EPHA7: variants seen among roughly 807,000 people sequenced by gnomAD.
EPHA7 encodes the protein ephrin type-A receptor 7.
In EPHA7, 25 loss-of-function variants were observed where a neutral mutation model predicts 112.6. The ratio of observed to expected loss-of-function variants is 0.22; its 90% CI spans 0.16 to 0.31. EPHA7 has a LOEUF of 0.31. Ranked by LOEUF, EPHA7 falls within the 10% of genes least tolerant of loss-of-function variation. The pLI is 1.00. For synonymous variants in EPHA7, 437 were observed against 406.5 expected, an observed-to-expected ratio of 1.07 and a Z score of -0.90; for missense variants, 962 against 1,212.6, an observed-to-expected ratio of 0.79 and a Z score of 3.07.
At chr6:93,305,493 A>G (rs1299744140) in intron 5 of EPHA7, among the ~76,000 whole-genome samples, 3 of 151,912 alleles carry the variant, frequency 2.0e-5, no homozygotes, top group Non-Finnish European at 4.4e-5. Context: ...GGCAATTCCA[A>G]CCTAAAGAGC....
chr6:93,397,245 T>C (rs979838987), intron 3 of EPHA7, among the ~76,000 whole-genome samples: 7 of 151,936 alleles, frequency 4.6e-5, no homozygotes, highest in African/African-American at 1.4e-4. Flanking sequence ...TCAATTTTTA[T>C]TCTCTCAAGT....
Position 93,243,557 on chromosome 6 carries a change from C to A in EPHA7, c.2883-17G>T. The A allele has an allele frequency of 6.5e-7, 1 of 1,545,880 alleles. No individual in the cohort carries two copies. Among genetic ancestry groups the A allele is most frequent in the Non-Finnish European group, 8.9e-7 (1 of 1,118,268 alleles). ...ATCACATCCCTGAAAAAGACAAATG[C>A]ACTTTTTATTAGGTACCTTACAAAG... On this transcript the variant is annotated splice_polypyrimidine_tract_variant and intron_variant, in intron 16 of 16. Transcript: ENST00000369303.
chr6:93,339,206 C>A (rs1775023626), intron 5 of EPHA7, among the ~76,000 whole-genome samples: 1 of 151,512 alleles, frequency 6.6e-6, no homozygotes, highest in Non-Finnish European at 1.5e-5. Context: ...ATATCTAATA[C>A]AACTCATTAA....
At chr6:93,256,167 T>C in intron 12 of EPHA7, 130 bp from the exon 13 acceptor site, 3 of 685,700 alleles carry the variant, frequency 4.4e-6, no homozygotes, top group Middle Eastern at 8.1e-4. Context: ...TTATATAATA[T>C]GGATACCTGT....
chr6:93,264,307 TC>T (rs959525488), intron 8 of EPHA7, among the ~76,000 whole-genome samples: 2 of 151,426 alleles, frequency 1.3e-5, no homozygotes, highest in African/African-American at 4.8e-5. Context: ...AGTAAACATT[TC>T]CCCAGGTATA....
intron 5 of EPHA7, among the ~76,000 whole-genome samples, chr6:93,305,046 G>T (rs1773180860): frequency 6.6e-6 from 1 of 151,450 alleles, no homozygotes; most frequent in African/African-American, 2.4e-5. Context: ...TTTGTTGTCT[G>T]CCCCACCTCA....
chr6:93,301,316 A>G (rs1772966256), intron 5 of EPHA7, among the ~76,000 whole-genome samples: 1 of 152,298 alleles, frequency 6.6e-6, no homozygotes. Context: ...ATCAAATAAG[A>G]GTAATTGAGA....
intron 5 of EPHA7, among the ~76,000 whole-genome samples, chr6:93,282,941 C>T (rs1168624341): frequency 6.6e-6 from 1 of 152,194 alleles, no homozygotes; most frequent in African/African-American, 2.4e-5. Flanking sequence ...GCGCTGCCCC[C>T]TTCTCCACCG....
At chr6:93,340,740 T>C (rs1775097855) in intron 5 of EPHA7, among the ~76,000 whole-genome samples, 1 of 152,004 alleles carries the variant, frequency 6.6e-6, no homozygotes, top group East Asian at 1.9e-4. Flanking sequence ...AAGTTCCATG[T>C]GATTTTTACA....
At chr6:93,356,135 C>G (rs1775930743) in intron 5 of EPHA7, among the ~76,000 whole-genome samples, 1 of 152,064 alleles carries the variant, frequency 6.6e-6, no homozygotes, top group Non-Finnish European at 1.5e-5. Context: ...CCACTATTTT[C>G]ACTCCCCTCC....
At chr6:93,291,929 A>G (rs184614170) in intron 5 of EPHA7, among the ~76,000 whole-genome samples, 2 of 152,316 alleles carry the variant, frequency 1.3e-5, no homozygotes, top group East Asian at 3.9e-4. Flanking sequence ...ACACATCAAA[A>G]TATTCAAGGT....
chr6:93,350,317 G>C (rs1189220108), intron 5 of EPHA7, among the ~76,000 whole-genome samples: 1 of 151,922 alleles, frequency 6.6e-6, no homozygotes, highest in East Asian at 1.9e-4. Flanking sequence ...TCGTGTAATG[G>C]ATTATGGAGC....
intron 5 of EPHA7, among the ~76,000 whole-genome samples, chr6:93,307,337 G>A (rs894279083): frequency 6.6e-6 from 1 of 151,914 alleles, no homozygotes; most frequent in African/African-American, 2.4e-5. Flanking sequence ...AGATAAGAAA[G>A]CTTTGAATGT....
chr6:93,308,964 T>A (rs1773395269), intron 5 of EPHA7, among the ~76,000 whole-genome samples: 1 of 151,568 alleles, frequency 6.6e-6, no homozygotes, highest in Non-Finnish European at 1.5e-5. Context: ...TTTTTTTTTT[T>A]AAACTACAGA....
chr6:93,317,780 C>T (rs992517125), intron 5 of EPHA7, among the ~76,000 whole-genome samples: 24 of 152,116 alleles, frequency 1.6e-4, no homozygotes, highest in African/African-American at 5.6e-4. Context: ...TGTCTAGCAC[C>T]TACAATATGT....
chr6:93,319,967 A>G (rs1404099884), intron 5 of EPHA7, among the ~76,000 whole-genome samples: 2 of 152,064 alleles, frequency 1.3e-5, no homozygotes, highest in African/African-American at 4.8e-5. Flanking sequence ...AAAATATTCT[A>G]TGCTGAGGCT....
intron 9 of EPHA7, among the ~76,000 whole-genome samples, chr6:93,262,028 C>A (rs9342358): frequency 0.44 from 66,717 of 151,024 alleles, 15,632 homozygotes; most frequent in South Asian, 0.69. Context: ...AGAAAAGTGA[C>A]ATACTGATTA....
intron 5 of EPHA7, among the ~76,000 whole-genome samples, chr6:93,312,217 C>A (rs1413670570): frequency 1.3e-5 from 2 of 152,148 alleles, no homozygotes; most frequent in African/African-American, 2.4e-5. Flanking sequence ...ACATTGACTT[C>A]TCCTTTCCAG....
chr6:93,348,536 T>G (rs1440345036), intron 5 of EPHA7, among the ~76,000 whole-genome samples: 1 of 151,878 alleles, frequency 6.6e-6, no homozygotes, highest in Non-Finnish European at 1.5e-5. Flanking sequence ...TATTTGTACC[T>G]TTAATATTTT....
Sources: gnomAD v4.1 joint callset for allele counts (sites outside exome capture counted in the v4.1 genomes callset) on GRCh38, gnomAD v4.1.1 for gene constraint, MANE v1.5 for transcripts, NCBI Gene and HGNC (gene_info 2026-07-23, HGNC 2026-07-21) for gene names.